The following PCNX4 variants were observed in gnomAD, a reference collection of about 807,000 sequenced individuals.
The protein encoded by PCNX4 is pecanex-like protein 4.
PCNX4 carries 103 observed loss-of-function variants against 107.2 expected under a neutral mutation model. The ratio of observed to expected loss-of-function variants is 0.96; its 90% confidence interval spans 0.82 to 1.13. The LOEUF is 1.13. Ranked by LOEUF, PCNX4 falls within the 50% of genes most tolerant of loss-of-function variation. The pLI is 0.00. For synonymous variants in PCNX4, 541 were observed against 481.7 expected, an observed-to-expected ratio of 1.12 and a Z score of -1.61; for missense variants, 1,528 against 1,379.4, an observed-to-expected ratio of 1.11 and a Z score of -1.71.
At position 60,147,353 on chromosome 14, in the gene PCNX4, CA is replaced by C. The variant is rs1210427682; in HGVS notation, c.*13133del. 9 of 152,114 alleles carry C rather than the reference CA, an allele frequency of 5.9e-5. No homozygotes were observed. Among genetic ancestry groups the C allele is most frequent in the Admixed American group, 5.9e-4 (9 of 15,274 alleles). 9.4% of individuals were successfully genotyped at this position (152,114 alleles called of 1,614,324 possible). A position where few individuals can be genotyped will look rare whatever the true frequency, so the allele number is the denominator to read the frequency against. On this transcript the variant is annotated 3_prime_UTR_variant, in exon 11 of 11. Coordinates refer to ENST00000406854, the MANE Select transcript of PCNX4 (RefSeq NM_001330177.2). The stretch of plus-strand genomic sequence containing the variant: ...GACTACAGTTAATAATACTGTATAG[CA>C]TATTTGAAATTTGCTAAGAAGATTT...
rs1481835359 is a variant in PCNX4, at chr14:60,129,392, A to G, written c.3267+3569A>G. On this transcript the variant is annotated intron_variant, in intron 10 of 10. Coordinates refer to ENST00000406854, the MANE Select transcript of PCNX4 (RefSeq NM_001330177.2). ...AACATAGCAAGAGCCCATCTCTACA[A>G]AAAATAAAAATTAGCCAAGTGTGGT... is the stretch of plus-strand genomic sequence containing the variant. 3.3e-5 allele frequency among the ~76,000 whole-genome samples: 5 copies of G among 152,148 alleles called. 1 individual carries two copies.
At chr14:60,096,721 A>T (rs1895431982) in intron 1 of PCNX4, among the ~76,000 whole-genome samples, 1 of 152,264 alleles carries the variant, frequency 6.6e-6, no homozygotes, top group African/African-American at 2.4e-5. Context: ...CCAGGTATCC[A>T]CCCCATATCT....
At chr14:60,092,476 C>G (rs952610933) in intron 1 of PCNX4, 57 bp downstream of exon 1, 1 of 152,264 alleles carries the variant, frequency 6.6e-6, no homozygotes, top group African/African-American at 2.4e-5. Flanking sequence ...AATGTCCAAG[C>G]CTGTGCGGAG....
chr14:60,115,555 A>G, intron 4 of PCNX4, 94 bp downstream of exon 4: 1 of 1,428,996 alleles, frequency 7.0e-7, no homozygotes, highest in Non-Finnish European at 9.4e-7. Context: ...GTGGTATTAT[A>G]CCATATACAA....
intron 10 of PCNX4, among the ~76,000 whole-genome samples, chr14:60,131,263 G>A (rs1896150123): frequency 6.6e-6 from 1 of 152,148 alleles, no homozygotes; most frequent in African/African-American, 2.4e-5. Context: ...ATTCAGATTA[G>A]GAAGAAGTAA....
rs773864491 is a variant in PCNX4 at position 60,134,269 on chromosome 14, C to CA, written c.*49dup. On this transcript the variant is annotated 3_prime_UTR_variant, in exon 11 of 11. Transcript: ENST00000406854. ...ATCAAATGCAATGTTTTTATTTTTTCATCCTAAAAAAGTAACTGTGATTCT... is the reference window on the plus strand; with the variant it reads ...ATCAAATGCAATGTTTTTATTTTTTCAATCCTAAAAAAGTAACTGTGATTCT... The CA allele has an allele frequency of 6.3e-7, 1 of 1,587,274 alleles. No homozygotes were observed. Among genetic ancestry groups the CA allele is most frequent in the Non-Finnish European group, 8.6e-7 (1 of 1,163,302 alleles).
rs772949726 is a variant in PCNX4 at position 60,115,349 on chromosome 14, A to G, written c.1245A>G (p.Gly415=). 3 of 1,604,862 alleles carry G rather than the reference A, an allele frequency of 1.9e-6. No homozygotes were observed. In the Admixed American group the frequency reaches 5.1e-5, roughly 27 times the overall value. The change falls in exon 4 of 11, where the codon GGA becomes GGG. Residue 415 remains glycine (G), a synonymous_variant. Coordinates refer to ENST00000406854, the MANE Select transcript of PCNX4 (RefSeq NM_001330177.2). ...AAATTCAAAGCGTATATATCATTGG[A>G]ATTTTCCGAAATCCCTTTTATCCGA... The part of the protein sequence containing the change: ...LREIQSVYII[G]IFRNPFYPKD...
rs1854519784 is a variant in PCNX4 at position 60,125,623 on chromosome 14, T to G, written c.3081-14T>G. ...CAAATATTCTAAAATTCTTCGGTTC[T>G]CCATTTTTTTTAGGTATACTCTGAA... On this transcript the variant is annotated splice_polypyrimidine_tract_variant and intron_variant, in intron 9 of 10. Transcript: ENST00000406854. The G allele has an allele frequency of 1.4e-6, 2 of 1,444,904 alleles. No homozygotes were observed. The highest frequency in any genetic ancestry group is 3.0e-5 in the Admixed American group (1 of 33,168). The allele number at this position is 1,444,904 out of a possible 1,614,324, so 89.5% of individuals were successfully genotyped here. A position where few individuals can be genotyped will look rare whatever the true frequency, so the allele number is the denominator to read the frequency against.
In PCNX4 at chr14:60,134,257, T is replaced by C. The variant is rs1255815921; in HGVS notation, c.*36T>C. ...GACTGTAATGTCATCAAATGCAATGTTTTTATTTTTTCATCCTAAAAAAGT... is the reference window on the plus strand; with the variant it reads ...GACTGTAATGTCATCAAATGCAATGCTTTTATTTTTTCATCCTAAAAAAGT... On this transcript the variant is annotated 3_prime_UTR_variant, in exon 11 of 11. Transcript: ENST00000406854. 3 of 1,597,690 alleles carry C rather than the reference T, an allele frequency of 1.9e-6. No individual in the cohort carries two copies. Among genetic ancestry groups the C allele is most frequent in the South Asian group, 1.1e-5 (1 of 89,740 alleles).
intron 2 of PCNX4, among the ~76,000 whole-genome samples, chr14:60,113,876 G>C (rs915365578): frequency 6.6e-6 from 1 of 152,106 alleles, no homozygotes; most frequent in Non-Finnish European, 1.5e-5. Context: ...TGTACTCTGT[G>C]CTTTAAAATT....
chr14:60,121,429 A>G, intron 8 of PCNX4, 130 bp downstream of exon 8: 1 of 960,810 alleles, frequency 1.0e-6, no homozygotes. Context: ...ACACCTAGGG[A>G]TTTTTAAAGT....
chr14:60,102,514 C>CT (rs1895552617), intron 1 of PCNX4, among the ~76,000 whole-genome samples: 1 of 152,138 alleles, frequency 6.6e-6, no homozygotes, highest in Non-Finnish European at 1.5e-5. Context: ...AGATTGATCT[C>CT]TGTTTCTTAC....
rs888206631 is a variant in PCNX4 at position 60,143,358 on chromosome 14, T to A, written c.*9137T>A. 3.9e-5 allele frequency: 6 copies of A among 152,212 alleles called. No homozygotes were observed. The highest frequency in any genetic ancestry group is 1.2e-4 in the African/African-American group (5 of 41,452). The allele number at this position is 152,212 out of a possible 1,614,324, so 9.4% of individuals were successfully genotyped here. A position where few individuals can be genotyped will look rare whatever the true frequency, so the allele number is the denominator to read the frequency against. On this transcript the variant is annotated 3_prime_UTR_variant, in exon 11 of 11. Coordinates refer to ENST00000406854, the MANE Select transcript of PCNX4 (RefSeq NM_001330177.2). ...CTTTTCATTCTTATAATTGGTGTGT[T>A]GTATTCAATAAATAATGTTGTTATT... is the stretch of plus-strand genomic sequence containing the variant.
Position 60,114,876 on chromosome 14 carries a change from T to C in PCNX4, c.866T>C (p.Leu289Ser). The C allele has an allele frequency of 3.1e-6, 5 of 1,597,088 alleles. No homozygotes were observed. Among genetic ancestry groups the C allele is most frequent in the Non-Finnish European group, 3.4e-6 (4 of 1,174,812 alleles). ...GGAGGCTCATCTATGTCAACCCACT[T>C]ACGGTATTTATTTTTAAATATTGAT... ...GLGGSSMSTH[L>S]RLLVMFIMSA... The change falls in exon 3 of 11, where the codon TTA becomes TCA. Residue 289 changes from leucine to serine, a missense_variant. Transcript: ENST00000406854.
chr14:60,113,098 T>G (rs1895770666), intron 2 of PCNX4, among the ~76,000 whole-genome samples: 1 of 152,004 alleles, frequency 6.6e-6, no homozygotes, highest in Non-Finnish European at 1.5e-5. Flanking sequence ...GGAGAATCGC[T>G]TGAACCCGGG....
In PCNX4 at chr14:60,124,789, A is replaced by C. The variant is rs756987064; in HGVS notation, c.2618A>C (p.Asn873Thr). The change falls in exon 9 of 11, where the codon AAC becomes ACC. Residue 873 changes from asparagine to threonine, a missense_variant. Physicochemically the swap from Asn to Thr is moderately conservative, Grantham distance 65. Coordinates refer to ENST00000406854, the MANE Select transcript of PCNX4 (RefSeq NM_001330177.2). ...CATTCTACAGGCACTGTTCCTGAAA[A>C]CGATCTTTACAAAGCAGTTCTATTA... Reference protein sequence around the residue: ...GDHSTGTVPENDLYKAVLLGY... With the variant: ...GDHSTGTVPETDLYKAVLLGY... 1.1e-5 allele frequency: 17 copies of C among 1,613,386 alleles called. No homozygotes were observed. Among genetic ancestry groups the C allele is most frequent in the Admixed American group, 1.7e-5 (1 of 59,980 alleles).
In PCNX4 at chr14:60,108,521, A is replaced by T. The variant is rs923809781; in HGVS notation, c.689+194A>T. ...CATACTAAAGCAATAGTTAAAACTT[A>T]TTAAAGAGTTTTTTTAAAAAACCCT... On this transcript the variant is annotated intron_variant, in intron 2 of 10. Coordinates refer to ENST00000406854, the MANE Select transcript of PCNX4 (RefSeq NM_001330177.2). 4.5e-5 allele frequency: 20 copies of T among 442,422 alleles called. 1 individual carries two copies. The highest frequency in any genetic ancestry group is 4.0e-4 in the Admixed American group (10 of 24,734). 27.4% of individuals were successfully genotyped at this position (442,422 alleles called of 1,614,324 possible).
At chr14:60,132,423 C>T (rs1896170787) in intron 10 of PCNX4, among the ~76,000 whole-genome samples, 2 of 152,234 alleles carry the variant, frequency 1.3e-5, no homozygotes, top group South Asian at 4.1e-4. Context: ...ATTTAACCCA[C>T]TACAGACCTT....
At position 60,107,710 on chromosome 14, in the gene PCNX4, T is replaced by G; in HGVS notation, c.72T>G (p.Val24=). 1 of 1,612,856 alleles carries G rather than the reference T, an allele frequency of 6.2e-7. No individual in the cohort carries two copies. The highest frequency in any genetic ancestry group is 8.5e-7 in the Non-Finnish European group (1 of 1,179,844). Reference sequence around the variant, plus strand: ...TTCTGAAGCGCTTTCCACAGACTGTTCTTGGAGGCCCTCGATTCAAATTAG... The same window carrying G: ...TTCTGAAGCGCTTTCCACAGACTGTGCTTGGAGGCCCTCGATTCAAATTAG... The part of the protein sequence containing the change: ...DFFLKRFPQT[V]LGGPRFKLGY... The change falls in exon 2 of 11, where the codon GTT becomes GTG. Residue 24 remains valine (V), a synonymous_variant. Transcript: ENST00000406854.
Sources: allele counts gnomAD v4.1 joint callset (sites outside exome capture counted in the v4.1 genomes callset), GRCh38; gene constraint gnomAD v4.1.1; transcripts MANE v1.5; gene names NCBI Gene and HGNC (gene_info 2026-07-23, HGNC 2026-07-21).